Variants in C11orf65 observed in about 807,000 individuals in gnomAD.
C11orf65 encodes the protein protein MFI.
C11orf65 carries 38 observed loss-of-function variants against 35.3 expected under a neutral mutation model. The observed-to-expected ratio is 1.08, with a 90% CI of 0.83 to 1.41. C11orf65 has a LOEUF of 1.41. Among genes scored for constraint, C11orf65 ranks in the 40% most tolerant of loss-of-function variants. The pLI, the probability that C11orf65 is intolerant of heterozygous loss-of-function variation, is 0.00. For synonymous variants in C11orf65, 105 were observed against 114.4 expected, an observed-to-expected ratio of 0.92 and a Z score of 0.53; for missense variants, 370 against 367.1, an observed-to-expected ratio of 1.01 and a Z score of -0.06.
In C11orf65 at chr11:108,383,059, C is replaced by T. The variant is rs1382198386; in HGVS notation, c.904G>A (p.Val302Ile). Residue 302 changes from valine to isoleucine, a missense_variant, in exon 9 of 9, where the codon GTA becomes ATA. By Grantham distance (29) the Val-to-Ile change is conservative. Transcript: ENST00000393084. ...YYENVYQEPNVTRLTPDSTYG... is the reference protein window; with the variant it reads ...YYENVYQEPNITRLTPDSTYG... ...GTAGAATCAGGCGTTAATCTAGTTA[C>T]ATTTGGTTCTTGATAAACATTTTCA... is the stretch of plus-strand genomic sequence containing the variant. 1.9e-6 allele frequency: 3 copies of T among 1,610,826 alleles called. No individual in the cohort carries two copies. Among genetic ancestry groups the T allele is most frequent in the Admixed American group, 1.7e-5 (1 of 59,088 alleles).
chr11:108,424,198 G>A (rs2092865071), intron 3 of C11orf65, among the ~76,000 whole-genome samples: 1 of 152,154 alleles, frequency 6.6e-6, no homozygotes, highest in Non-Finnish European at 1.5e-5. Context: ...AACCAGTTTA[G>A]AGAAGAATAT....
At chr11:108,344,974 G>T (rs1228963284) in intron 2 of C11orf65, among the ~76,000 whole-genome samples, 3 of 151,924 alleles carry the variant, frequency 2.0e-5, no homozygotes, top group Non-Finnish European at 2.9e-5. Context: ...CTGCACTCCA[G>T]TCCAGGTGAC....
At position 108,385,957 on chromosome 11, in the gene C11orf65, C is replaced by T. The variant is rs141492887; in HGVS notation, c.750G>A (p.Lys250=). Residue 250 remains lysine (K), a synonymous_variant, in exon 8 of 9, where the codon AAG becomes AAA. Transcript: ENST00000393084. The stretch of plus-strand genomic sequence containing the variant: ...CCGAAGAGTTGCTTGTAGCAATTTC[C>T]TTCCAGCTGGCAATGTACCTAAGCA... ...LNFDEYIASW[K]EIATSNSSAN... is the part of the protein sequence containing the mutation. 3.3e-4 allele frequency: 527 copies of T among 1,613,942 alleles called. 5 individuals are homozygous for T. In the Middle Eastern group the frequency reaches 7.6e-3, roughly 23 times the overall value.
chr11:108,388,403 G>A (rs1296679073), intron 7 of C11orf65, among the ~76,000 whole-genome samples: 1 of 152,118 alleles, frequency 6.6e-6, no homozygotes, highest in Non-Finnish European at 1.5e-5. Flanking sequence ...TCTTTCTCAC[G>A]AAGAAATTTG....
chr11:108,426,752 C>T (rs867827636), intron 3 of C11orf65, among the ~76,000 whole-genome samples: 6 of 151,940 alleles, frequency 3.9e-5, no homozygotes, highest in Non-Finnish European at 8.8e-5. Context: ...TCAAACTATA[C>T]TACAAGGCCA....
Position 108,332,832 on chromosome 11 carries a change from T to C in C11orf65, c.300-1265A>G. The C allele has an allele frequency of 1.2e-6, 2 of 1,613,296 alleles. No homozygotes were observed. The highest frequency in any genetic ancestry group is 1.1e-5 in the South Asian group (1 of 91,072). On this transcript the variant is annotated intron_variant, in intron 3 of 3. Transcript: ENST00000524755. The stretch of plus-strand genomic sequence containing the variant: ...AGGAGACCTCAGATGGTCAGAAGTG[T>C]TGAGGCACTTTGTGATGCTTATATT...
intron 2 of C11orf65, among the ~76,000 whole-genome samples, chr11:108,348,150 GA>G (rs1271658768): frequency 6.6e-6 from 1 of 151,978 alleles, no homozygotes; most frequent in Non-Finnish European, 1.5e-5. Flanking sequence ...TCATTATTTT[GA>G]AGTATTAATG....
chr11:108,328,345 C>G (rs2085899984), downstream of C11orf65, among the ~76,000 whole-genome samples: 1 of 152,200 alleles, frequency 6.6e-6, no homozygotes, highest in South Asian at 2.1e-4. Context: ...CTCCTGGGTT[C>G]AAGCGATTCT....
intron 8 of C11orf65, among the ~76,000 whole-genome samples, chr11:108,384,367 T>C (rs534834746): frequency 1.3e-5 from 2 of 152,314 alleles, no homozygotes; most frequent in African/African-American, 4.8e-5. Flanking sequence ...AGATAGGCAC[T>C]ATTCTAAGCT....
At chr11:108,422,741 G>A (rs977402755) in intron 3 of C11orf65, among the ~76,000 whole-genome samples, 1 of 152,020 alleles carries the variant, frequency 6.6e-6, no homozygotes, top group Non-Finnish European at 1.5e-5. Flanking sequence ...AATTAGCAGG[G>A]CATGGTGGCG....
Position 108,382,984 on chromosome 11 carries a change from C to T in C11orf65, c.*37G>A, listed in dbSNP as rs1440683258. 1.2e-6 allele frequency: 2 copies of T among 1,607,246 alleles called. No homozygotes were observed. The highest frequency in any genetic ancestry group is 1.3e-5 in the African/African-American group (1 of 74,568). ...TTGGCTATAACTGATGGATGGAAGG[C>T]TCAAAGGGCTATAACTCAGAATAGA... On this transcript the variant is annotated 3_prime_UTR_variant, in exon 9 of 9. Transcript: ENST00000393084.
At chr11:108,366,134 C>CAGTT (rs941339869) in intron 2 of C11orf65, 2 of 191,544 alleles carry the variant, frequency 1.0e-5, no homozygotes, top group Admixed American at 1.2e-4. Context: ...TTCAAAGACA[C>CAGTT]AGTTAGTGTA....
intron 6 of C11orf65, among the ~76,000 whole-genome samples, chr11:108,393,639 T>C (rs139012571): frequency 1.2e-3 from 183 of 152,294 alleles, no homozygotes; most frequent in African/African-American, 4.3e-3. Flanking sequence ...AACTAAGTTA[T>C]TAAATTGTTG....
At chr11:108,356,014 G>T (rs1272063416) in intron 2 of C11orf65, 1 of 152,198 alleles carries the variant, frequency 6.6e-6, no homozygotes, top group Non-Finnish European at 1.5e-5. Flanking sequence ...ATCCAAGGCT[G>T]TGCTATTCCC....
chr11:108,359,105 A>G (rs1177803683), intron 2 of C11orf65, among the ~76,000 whole-genome samples: 17 of 149,878 alleles, frequency 1.1e-4, no homozygotes, highest in East Asian at 3.9e-4. Context: ...AGGAAGATCT[A>G]CCAAGCAAAT....
At chr11:108,333,409 G>A (rs1037127613) in intron 3 of C11orf65, among the ~76,000 whole-genome samples, 2 of 152,214 alleles carry the variant, frequency 1.3e-5, no homozygotes, top group South Asian at 4.1e-4. Context: ...ATGCTTCTAA[G>A]TATCTCCCCA....
At chr11:108,435,327 A>G (rs1020569438) in intron 2 of C11orf65, among the ~76,000 whole-genome samples, 1 of 145,952 alleles carries the variant, frequency 6.9e-6, no homozygotes, top group African/African-American at 2.7e-5. Flanking sequence ...AACCAACATG[A>G]AAAAAAAAAG....
In C11orf65 at chr11:108,395,620, A is replaced by ATT. The variant is rs536560810; in HGVS notation, c.561-2244_561-2243dup. ...GCGTGAGCCACTGCGCCCAGCCCAA[A>ATT]TTTTTTTTTTTTTTTTTTGAGATGG... On this transcript the variant is annotated intron_variant, in intron 6 of 8. Coordinates refer to ENST00000393084, the MANE Select transcript of C11orf65 (RefSeq NM_152587.5). Among the ~76,000 whole-genome samples the ATT allele has an allele frequency of 4.0e-3, 499 of 123,376 alleles. 8 individuals are homozygous for ATT. The highest frequency in any genetic ancestry group is 0.015 in the African/African-American group (435 of 29,272). The allele number at this position is 123,376 out of a possible 152,430, so 80.9% of individuals were successfully genotyped here. A position where few individuals can be genotyped will look rare whatever the true frequency, so the allele number is the denominator to read the frequency against.
At chr11:108,467,292 AG>A (rs1279734006) in intron 1 of C11orf65, among the ~76,000 whole-genome samples, 178 bp downstream of exon 1, 1 of 152,114 alleles carries the variant, frequency 6.6e-6, no homozygotes, top group African/African-American at 2.4e-5. Context: ...AACCAGCTGG[AG>A]GCCTCGCTGG....
Sources: gnomAD v4.1 joint callset for allele counts (sites outside exome capture counted in the v4.1 genomes callset) on GRCh38, gnomAD v4.1.1 for gene constraint, MANE v1.5 for transcripts, NCBI Gene and HGNC (gene_info 2026-07-23, HGNC 2026-07-21) for gene names.